The following RNF169 variants were observed in gnomAD, a reference collection of about 807,000 sequenced individuals.
The protein encoded by RNF169 is E3 ubiquitin-protein ligase RNF169.
RNF169 carries 24 observed loss-of-function variants against 53.9 expected under a neutral mutation model. The ratio of observed to expected loss-of-function variants is 0.45; its 90% CI spans 0.32 to 0.63. The LOEUF is 0.63. Among genes scored for constraint, RNF169 ranks in the 20% least tolerant of loss-of-function variants. The pLI, the probability that RNF169 is intolerant of heterozygous loss-of-function variation, is 0.04. For missense variants in RNF169, 883 were observed against 906.2 expected (o/e 0.97, Z 0.33); for synonymous variants, 396 against 363.5 (o/e 1.09, Z -1.02).
intron 2 of RNF169, among the ~76,000 whole-genome samples, chr11:74,806,674 A>G (rs867059358): frequency 6.6e-6 from 1 of 152,262 alleles, no homozygotes; most frequent in Admixed American, 6.5e-5. Flanking sequence ...TAGAATGTTG[A>G]GTGAAGGCAG....
intron 2 of RNF169, among the ~76,000 whole-genome samples, chr11:74,795,242 C>T (rs1446972993): frequency 1.6e-5 from 2 of 123,572 alleles, no homozygotes; most frequent in African/African-American, 3.1e-5. Context: ...TTTTTTGAGA[C>T]AGGGTCTCAC....
Position 74,838,948 on chromosome 11 carries a change from T to G in RNF169, c.*2218T>G, listed in dbSNP as rs1192983749. ...TCCACTTGCCATCTTTCTCTATATC[T>G]CCAGTAATTTGAAAAACACTTTTCA... On this transcript the variant is annotated 3_prime_UTR_variant, in exon 6 of 6. Coordinates refer to ENST00000299563, the MANE Select transcript of RNF169 (RefSeq NM_001098638.2). The G allele has an allele frequency of 6.6e-6, 1 of 152,218 alleles. No individual in the cohort carries two copies. The highest frequency in any genetic ancestry group is 1.5e-5 in the Non-Finnish European group (1 of 68,036). 9.4% of individuals were successfully genotyped at this position (152,218 alleles called of 1,614,324 possible). A position where few individuals can be genotyped will look rare whatever the true frequency, so the allele number is the denominator to read the frequency against.
rs1415945901 is a variant in RNF169, at chr11:74,785,231, T to TA, written c.503-4395_503-4394insA. On this transcript the variant is annotated intron_variant, in intron 1 of 5. Coordinates refer to ENST00000299563, the MANE Select transcript of RNF169 (RefSeq NM_001098638.2). ...ATATGATATATATATGTTATATATA[T>TA]TATATATATGTTATATATGTTAGAT... is the stretch of plus-strand genomic sequence containing the variant. Among the ~76,000 whole-genome samples the TA allele has an allele frequency of 2.6e-4, 23 of 87,012 alleles. 1 individual carries two copies. The highest frequency in any genetic ancestry group is 2.3e-3 in the East Asian group (7 of 3,002). 57.1% of individuals were successfully genotyped at this position (87,012 alleles called of 152,430 possible). A position where few individuals can be genotyped will look rare whatever the true frequency, so the allele number is the denominator to read the frequency against.
chr11:74,766,114 A>C (rs1055109109), intron 1 of RNF169, among the ~76,000 whole-genome samples: 3 of 152,220 alleles, frequency 2.0e-5, no homozygotes, highest in Non-Finnish European at 4.4e-5. Flanking sequence ...TAGAATATGG[A>C]AAACTTTCTG....
intron 4 of RNF169, among the ~76,000 whole-genome samples, chr11:74,820,349 G>A (rs894352346): frequency 1.3e-5 from 2 of 151,942 alleles, no homozygotes; most frequent in African/African-American, 2.4e-5. Context: ...AGGGCAGGGG[G>A]GTTTACTCTA....
At chr11:74,832,877 A>G (rs1456570224) in intron 4 of RNF169, among the ~76,000 whole-genome samples, 1 of 152,166 alleles carries the variant, frequency 6.6e-6, no homozygotes, top group African/African-American at 2.4e-5. Context: ...TGTGACTTCT[A>G]GGGATGCAAA....
intron 4 of RNF169, among the ~76,000 whole-genome samples, chr11:74,827,387 G>A (rs1008370960): frequency 1.3e-5 from 2 of 152,220 alleles, no homozygotes; most frequent in Non-Finnish European, 2.9e-5. Flanking sequence ...TGCAGTGGGA[G>A]GGCTTGCTGT....
At position 74,836,522 on chromosome 11, in the gene RNF169, T is replaced by A; in HGVS notation, c.1919T>A (p.Leu640Gln). The A allele has an allele frequency of 6.2e-7, 1 of 1,614,140 alleles. No homozygotes were observed. The highest frequency in any genetic ancestry group is 8.5e-7 in the Non-Finnish European group (1 of 1,180,036). The change falls in exon 6 of 6, where the codon CTG becomes CAG. Residue 640 changes from leucine (L) to glutamine (Q), a missense_variant. Coordinates refer to ENST00000299563, the MANE Select transcript of RNF169 (RefSeq NM_001098638.2). ...GAACAAAATGGCTCCCTTAAAAAAC[T>A]GCGACAAACCAGTGGGGAGGTGGGT... ...HLEQNGSLKK[L>Q]RQTSGEVGLA...
chr11:74,831,361 CAA>C (rs35476485), intron 4 of RNF169: 9 of 151,988 alleles, frequency 5.9e-5, no homozygotes, highest in African/African-American at 2.2e-4. Flanking sequence ...GTGAACAACC[CAA>C]AAAGGTAACT....
At chr11:74,805,696 G>C (rs1274892503) in intron 2 of RNF169, among the ~76,000 whole-genome samples, 1 of 152,120 alleles carries the variant, frequency 6.6e-6, no homozygotes, top group South Asian at 2.1e-4. Context: ...AAATTGAACT[G>C]CATCAGAACC....
intron 4 of RNF169, among the ~76,000 whole-genome samples, chr11:74,825,190 T>C (rs1038850010): frequency 6.6e-6 from 1 of 152,222 alleles, no homozygotes; most frequent in African/African-American, 2.4e-5. Flanking sequence ...TTCTCCAATA[T>C]AGACTGTATG....
At chr11:74,759,474 A>G (rs1444670633) in intron 1 of RNF169, among the ~76,000 whole-genome samples, 1 of 127,706 alleles carries the variant, frequency 7.8e-6, no homozygotes, top group Admixed American at 8.2e-5. Context: ...ATTATTTTGA[A>G]ATACGTCCCA....
At position 74,749,137 on chromosome 11, in the gene RNF169, C is replaced by G. The variant is rs1349864136; in HGVS notation, c.257C>G (p.Ser86Trp). The G allele has an allele frequency of 6.0e-6, 8 of 1,323,222 alleles. No individual in the cohort carries two copies. Among genetic ancestry groups the G allele is most frequent in the Non-Finnish European group, 7.7e-6 (8 of 1,034,824 alleles). The allele number at this position is 1,323,222 out of a possible 1,614,324, so 82.0% of individuals were successfully genotyped here. The change falls in exon 1 of 6, where the codon TCG (serine) becomes TGG (tryptophan). Residue 86 changes from serine (S) to tryptophan (W), a missense_variant. Coordinates refer to ENST00000299563, the MANE Select transcript of RNF169 (RefSeq NM_001098638.2). ...GCAGCGGCCCTGCCGTGCGGCCACT[C>G]GCTTTGCCGAGGCTGCGCCCAACGC... ...GEAAALPCGH[S>W]LCRGCAQRAA...
At chr11:74,811,150 G>A (rs769615467) in intron 3 of RNF169, among the ~76,000 whole-genome samples, 28 of 152,046 alleles carry the variant, frequency 1.8e-4, no homozygotes, top group Non-Finnish European at 3.1e-4. Flanking sequence ...AAAAATCTCT[G>A]GATCAGCAGT....
At chr11:74,805,927 G>A (rs996050942) in intron 2 of RNF169, among the ~76,000 whole-genome samples, 4 of 152,030 alleles carry the variant, frequency 2.6e-5, no homozygotes, top group East Asian at 1.9e-4. Context: ...TGGTATATGC[G>A]GGGTCCTGGA....
chr11:74,827,819 A>G (rs944300760), intron 4 of RNF169, among the ~76,000 whole-genome samples: 1 of 152,210 alleles, frequency 6.6e-6, no homozygotes, highest in Non-Finnish European at 1.5e-5. Flanking sequence ...TAGATATTGA[A>G]GGAACATACC....
Position 74,836,036 on chromosome 11 carries a change from T to G in RNF169, c.1433T>G (p.Val478Gly). 6.2e-7 allele frequency: 1 copy of G among 1,614,230 alleles called. No homozygotes were observed. Among genetic ancestry groups the G allele is most frequent in the Non-Finnish European group, 8.5e-7 (1 of 1,180,042 alleles). ...CATTCTAGCAAGGAGAAGCCACTTG[T>G]GGCTGTAAATACAAGATTATCTGGT... ...GIHSSKEKPLVAVNTRLSGGQ... is the reference protein window; with the variant it reads ...GIHSSKEKPLGAVNTRLSGGQ... Residue 478 changes from valine to glycine, a missense_variant, in exon 6 of 6, where the codon GTG becomes GGG. Physicochemically the swap from Val to Gly is moderately radical, Grantham distance 109. Coordinates refer to ENST00000299563, the MANE Select transcript of RNF169 (RefSeq NM_001098638.2).
chr11:74,752,814 C>A (rs1235221401), intron 1 of RNF169, among the ~76,000 whole-genome samples: 2 of 152,048 alleles, frequency 1.3e-5, no homozygotes, highest in African/African-American at 4.8e-5. Flanking sequence ...GCATAATTAA[C>A]CACCTATTGG....
chr11:74,782,881 A>G (rs1198162520), intron 1 of RNF169, among the ~76,000 whole-genome samples: 1 of 151,326 alleles, frequency 6.6e-6, no homozygotes, highest in East Asian at 1.9e-4. Flanking sequence ...ACCAAGTTAC[A>G]CATGAGGAAA....
Sources: gnomAD v4.1 joint callset for allele counts (sites outside exome capture counted in the v4.1 genomes callset) on GRCh38, gnomAD v4.1.1 for gene constraint, MANE v1.5 for transcripts, NCBI Gene and HGNC (gene_info 2026-07-23, HGNC 2026-07-21) for gene names.